The following PRKCH variants were observed in gnomAD, a reference collection of about 807,000 sequenced individuals.
PRKCH encodes the protein protein kinase C eta, also known as protein kinase C eta type.
PRKCH carries 28 observed loss-of-function variants against 82.5 expected under a neutral mutation model. That is an observed-to-expected ratio of 0.34 (90% CI 0.25 to 0.47). PRKCH has a LOEUF of 0.47. Among genes scored for constraint, PRKCH ranks in the 20% least tolerant of loss-of-function variants. The pLI, the probability that PRKCH is intolerant of heterozygous loss-of-function variation, is 1.00. For synonymous variants in PRKCH, 322 were observed against 327.4 expected (o/e 0.98, Z 0.18); for missense variants, 705 against 881.8 (o/e 0.80, Z 2.54).
upstream of PRKCH, among the ~76,000 whole-genome samples, chr14:61,318,405 A>G (rs1427659300): frequency 7.9e-6 from 1 of 126,884 alleles, no homozygotes; most frequent in African/African-American, 3.1e-5. Flanking sequence ...GAGTCTCCCT[A>G]TGTCGCGCAG....
intron 1 of PRKCH, among the ~76,000 whole-genome samples, chr14:61,389,415 G>C (rs1322240269): frequency 6.6e-6 from 1 of 152,138 alleles, no homozygotes; most frequent in Non-Finnish European, 1.5e-5. Context: ...CCAATGCCAG[G>C]CACAGTGACT....
At chr14:61,213,000 G>A (rs1325841318) in intron 1 of PRKCH, among the ~76,000 whole-genome samples, 2 of 152,156 alleles carry the variant, frequency 1.3e-5, no homozygotes, top group Non-Finnish European at 2.9e-5. Context: ...AGTGGAATGA[G>A]GGGTTGTCTT....
chr14:61,444,699 T>C (rs965919969), intron 3 of PRKCH, among the ~76,000 whole-genome samples: 11 of 152,182 alleles, frequency 7.2e-5, no homozygotes, highest in African/African-American at 2.4e-4. Context: ...TGACATCCAG[T>C]CTCATCACCA....
chr14:61,478,953 A>C (rs1484941745), intron 9 of PRKCH, among the ~76,000 whole-genome samples: 2 of 152,202 alleles, frequency 1.3e-5, no homozygotes, highest in South Asian at 2.1e-4. Flanking sequence ...TCTTAAGGCT[A>C]TGCAAAAAAA....
intron 1 of PRKCH, among the ~76,000 whole-genome samples, chr14:61,341,817 A>G (rs2045932839): frequency 6.6e-6 from 1 of 152,176 alleles, no homozygotes; most frequent in South Asian, 2.1e-4. Flanking sequence ...TTTACACTGG[A>G]CTAACAATGC....
chr14:61,359,832 C>T (rs2046199545), intron 1 of PRKCH, among the ~76,000 whole-genome samples: 2 of 152,192 alleles, frequency 1.3e-5, no homozygotes, highest in Admixed American at 1.3e-4. Context: ...ATATTAGCCA[C>T]ATGTAACTGA....
At chr14:61,449,957 CAT>C (rs1006606065) in intron 5 of PRKCH, among the ~76,000 whole-genome samples, 3 of 151,594 alleles carry the variant, frequency 2.0e-5, no homozygotes, top group East Asian at 1.9e-4. Context: ...TCTTGCCACT[CAT>C]ATTGCATTCA....
At chr14:61,441,624 T>C (rs1413213145) in intron 2 of PRKCH, among the ~76,000 whole-genome samples, 1 of 152,170 alleles carries the variant, frequency 6.6e-6, no homozygotes, top group East Asian at 1.9e-4. Context: ...GGATTGTTCA[T>C]ACTTTTAAAA....
intron 1 of PRKCH, among the ~76,000 whole-genome samples, chr14:61,259,385 C>T (rs17098172): frequency 0.15 from 23,258 of 152,142 alleles, 1,802 homozygotes; most frequent in Middle Eastern, 0.18. Context: ...TTCATTCACA[C>T]TGACTGACTA....
chr14:61,192,782 C>T (rs1467886845), intron 1 of PRKCH, among the ~76,000 whole-genome samples: 1 of 152,136 alleles, frequency 6.6e-6, no homozygotes, highest in Non-Finnish European at 1.5e-5. Flanking sequence ...GGGTTTGGGG[C>T]CACACTTTGG....
intron 12 of PRKCH, among the ~76,000 whole-genome samples, chr14:61,536,746 C>G (rs1201454616): frequency 6.6e-6 from 1 of 152,042 alleles, no homozygotes. Context: ...TGTGTACTGT[C>G]CAGCATTCCT....
intron 2 of PRKCH, among the ~76,000 whole-genome samples, chr14:61,421,917 G>T (rs1882856269): frequency 6.6e-6 from 1 of 152,146 alleles, no homozygotes; most frequent in South Asian, 2.1e-4. Context: ...AGTGTGAGGT[G>T]GATGGGAGAG....
At chr14:61,376,683 C>T (rs543238655) in intron 1 of PRKCH, among the ~76,000 whole-genome samples, 111 of 150,876 alleles carry the variant, frequency 7.4e-4, no homozygotes, top group African/African-American at 2.6e-3. Context: ...TAATTCTGCC[C>T]AGCACCTCCA....
At chr14:61,287,814 G>A (rs1347049691) in intron 1 of PRKCH, among the ~76,000 whole-genome samples, 1 of 152,034 alleles carries the variant, frequency 6.6e-6, no homozygotes, top group Non-Finnish European at 1.5e-5. Context: ...CACCATGACA[G>A]TGTCTGTGGA....
chr14:61,522,187 C>T (rs866896730), intron 10 of PRKCH, among the ~76,000 whole-genome samples: 1 of 152,182 alleles, frequency 6.6e-6, no homozygotes, highest in South Asian at 2.1e-4. Context: ...CCCAGTAGTT[C>T]TTGACACATC....
intron 9 of PRKCH, among the ~76,000 whole-genome samples, chr14:61,471,355 T>C (rs1885496090): frequency 6.6e-6 from 1 of 152,186 alleles, no homozygotes; most frequent in Non-Finnish European, 1.5e-5. Flanking sequence ...TAAGACTGGT[T>C]TCTGTTTTCT....
At chr14:61,209,728 G>T (rs2044554949) in intron 1 of PRKCH, among the ~76,000 whole-genome samples, 1 of 152,064 alleles carries the variant, frequency 6.6e-6, no homozygotes, top group Non-Finnish European at 1.5e-5. Context: ...TAATGGTGGG[G>T]ATTGGGTTTC....
intron 1 of PRKCH, among the ~76,000 whole-genome samples, chr14:61,338,153 C>T (rs1265191017): frequency 3.3e-5 from 5 of 152,172 alleles, no homozygotes; most frequent in African/African-American, 4.8e-5. Flanking sequence ...CCCTGAAGTA[C>T]TGCCATCTGC....
chr14:61,292,873 G>A (rs1315488520), intron 1 of PRKCH, among the ~76,000 whole-genome samples: 2 of 151,432 alleles, frequency 1.3e-5, no homozygotes, highest in Non-Finnish European at 2.9e-5. Flanking sequence ...TTGAGGCCAG[G>A]AGTTCGAGAC....
Sources: gnomAD v4.1 joint callset for allele counts (sites outside exome capture counted in the v4.1 genomes callset) on GRCh38, gnomAD v4.1.1 for gene constraint, MANE v1.5 for transcripts, NCBI Gene and HGNC (gene_info 2026-07-23, HGNC 2026-07-21) for gene names.